ITFG1: variants seen among roughly 807,000 people sequenced by gnomAD.
ITFG1 encodes the protein T-cell immunomodulatory protein.
A neutral mutation model predicts 81.8 loss-of-function variants in ITFG1; 34 were observed. The observed-to-expected ratio is 0.42, with a 90% CI of 0.32 to 0.55. The LOEUF (loss-of-function observed/expected upper bound fraction) is 0.55, where lower values mean the gene tolerates loss of function less well. Among genes scored for constraint, ITFG1 ranks in the 20% least tolerant of loss-of-function variants. ITFG1 has a pLI of 0.17. For synonymous variants in ITFG1, 285 were observed against 270.6 expected, an observed-to-expected ratio of 1.05 and a Z score of -0.52; for missense variants, 672 against 755.4, an observed-to-expected ratio of 0.89 and a Z score of 1.29.
intron 14 of ITFG1, among the ~76,000 whole-genome samples, chr16:47,168,701 A>G (rs1964923826): frequency 6.6e-6 from 1 of 152,072 alleles, no homozygotes; most frequent in Non-Finnish European, 1.5e-5. Flanking sequence ...AATGTTTTTT[A>G]ATGCAAAAAA....
At chr16:47,159,320 A>G (rs149233075) in intron 16 of ITFG1, among the ~76,000 whole-genome samples, 629 of 152,274 alleles carry the variant, frequency 4.1e-3, no homozygotes, top group Non-Finnish European at 7.0e-3. Context: ...GGATAATCAT[A>G]GACATCTTTT....
chr16:47,247,071 A>G (rs1966010087), intron 12 of ITFG1, among the ~76,000 whole-genome samples: 1 of 152,092 alleles, frequency 6.6e-6, no homozygotes, highest in African/African-American at 2.4e-5. Flanking sequence ...GGTGTGAGCC[A>G]CCACGCATGG....
intron 7 of ITFG1, among the ~76,000 whole-genome samples, chr16:47,374,710 A>G (rs1334463569): frequency 6.6e-6 from 1 of 152,198 alleles, no homozygotes; most frequent in Non-Finnish European, 1.5e-5. Context: ...TTTAAAAAGT[A>G]GTACATTAAA....
At chr16:47,433,802 CACAT>C (rs1292992690) in intron 5 of ITFG1, among the ~76,000 whole-genome samples, 2 of 136,868 alleles carry the variant, frequency 1.5e-5, no homozygotes, top group South Asian at 2.3e-4. Flanking sequence ...TACACACACA[CACAT>C]ACACACACGT....
intron 12 of ITFG1, among the ~76,000 whole-genome samples, chr16:47,254,413 G>A (rs1596838421): frequency 1.3e-5 from 2 of 151,764 alleles, no homozygotes; most frequent in East Asian, 3.9e-4. Context: ...ATTACAACTG[G>A]GAATTGGAAT....
intron 10 of ITFG1, among the ~76,000 whole-genome samples, chr16:47,270,705 T>C (rs1327303797): frequency 2.6e-5 from 4 of 152,152 alleles, no homozygotes; most frequent in East Asian, 1.9e-4. Flanking sequence ...ATCCATACAA[T>C]GGAATATTCC....
At chr16:47,170,240 CA>C (rs2151509668) in intron 14 of ITFG1, among the ~76,000 whole-genome samples, 1 of 152,252 alleles carries the variant, frequency 6.6e-6, no homozygotes, top group East Asian at 1.9e-4. Flanking sequence ...GTAAGAGTTT[CA>C]GTAAAAGTGA....
intron 8 of ITFG1, among the ~76,000 whole-genome samples, chr16:47,348,182 T>C (rs996949904): frequency 1.3e-5 from 2 of 152,114 alleles, no homozygotes; most frequent in Non-Finnish European, 2.9e-5. Context: ...ACGCAACTCC[T>C]CACCAGCAAC....
intron 12 of ITFG1, among the ~76,000 whole-genome samples, chr16:47,245,144 C>T (rs1965986289): frequency 6.6e-6 from 1 of 152,020 alleles, no homozygotes; most frequent in African/African-American, 2.4e-5. Context: ...GTCAGGAGTT[C>T]AAGACCAGCC....
intron 10 of ITFG1, among the ~76,000 whole-genome samples, chr16:47,286,157 G>A (rs1322004802): frequency 6.6e-6 from 1 of 152,148 alleles, no homozygotes; most frequent in Non-Finnish European, 1.5e-5. Flanking sequence ...TAGGTAGAGG[G>A]AGAATTTAGA....
chr16:47,349,651 T>C (rs962151939), intron 8 of ITFG1, among the ~76,000 whole-genome samples: 3 of 152,158 alleles, frequency 2.0e-5, no homozygotes, highest in East Asian at 1.9e-4. Context: ...AACAGATCAA[T>C]GAGAGAGAAA....
At chr16:47,436,721 T>C (rs1032603568) in intron 5 of ITFG1, among the ~76,000 whole-genome samples, 3 of 152,152 alleles carry the variant, frequency 2.0e-5, no homozygotes, top group African/African-American at 7.2e-5. Context: ...AAAATCACAG[T>C]TACTTATCAA....
chr16:47,392,451 AGAG>A (rs1041625312), intron 6 of ITFG1, among the ~76,000 whole-genome samples: 4 of 152,140 alleles, frequency 2.6e-5, no homozygotes, highest in African/African-American at 7.2e-5. Flanking sequence ...ATAGAGCAGG[AGAG>A]GAGGAGATCA....
chr16:47,385,072 G>A (rs1025209386), intron 6 of ITFG1, among the ~76,000 whole-genome samples: 1 of 152,238 alleles, frequency 6.6e-6, no homozygotes, highest in Non-Finnish European at 1.5e-5. Context: ...CACTGAGGAA[G>A]TGACATTTGC....
chr16:47,413,706 T>C (rs1027593825), intron 6 of ITFG1, among the ~76,000 whole-genome samples: 1 of 152,116 alleles, frequency 6.6e-6, no homozygotes, highest in Non-Finnish European at 1.5e-5. Flanking sequence ...AAAAAAATAC[T>C]GTAGTACATA....
intron 6 of ITFG1, among the ~76,000 whole-genome samples, chr16:47,414,519 C>T (rs1968850066): frequency 6.6e-6 from 1 of 151,734 alleles, no homozygotes; most frequent in African/African-American, 2.4e-5. Context: ...GAGTGAGACT[C>T]TGTCGTAAAA....
At chr16:47,315,768 C>CATATATAT (rs546244760) in intron 8 of ITFG1, among the ~76,000 whole-genome samples, 2 of 144,468 alleles carry the variant, frequency 1.4e-5, no homozygotes, top group African/African-American at 5.7e-5. Context: ...TTCTAAATGC[C>CATATATAT]ATATATATAT....
chr16:47,257,660 T>C (rs1373541202), intron 12 of ITFG1, among the ~76,000 whole-genome samples: 1 of 152,238 alleles, frequency 6.6e-6, no homozygotes, highest in Non-Finnish European at 1.5e-5. Flanking sequence ...AGTTAGCTCA[T>C]ACAAATGTAA....
intron 8 of ITFG1, among the ~76,000 whole-genome samples, chr16:47,348,615 A>C (rs1166323582): frequency 2.0e-5 from 3 of 152,242 alleles, no homozygotes; most frequent in Non-Finnish European, 4.4e-5. Flanking sequence ...GGGAGAATGG[A>C]ACCAGGTTGG....
Sources: allele counts gnomAD v4.1 joint callset (sites outside exome capture counted in the v4.1 genomes callset), GRCh38; gene constraint gnomAD v4.1.1; transcripts MANE v1.5; gene names NCBI Gene and HGNC (gene_info 2026-07-23, HGNC 2026-07-21).